RSRC2: variants seen among roughly 807,000 people sequenced by gnomAD.
RSRC2 encodes arginine/serine-rich coiled-coil protein 2.
A neutral mutation model predicts 61.3 loss-of-function variants in RSRC2; 5 were observed. The ratio of observed to expected loss-of-function variants is 0.08; its 90% confidence interval spans 0.04 to 0.17. The LOEUF is 0.17. Among genes scored for constraint, RSRC2 ranks in the 10% least tolerant of loss-of-function variants. RSRC2 has a pLI of 1.00. For synonymous variants in RSRC2, 202 were observed against 166.5 expected (o/e 1.21, Z -1.64); for missense variants, 381 against 518.8 (o/e 0.73, Z 2.58).
rs934995987 is a variant in RSRC2, at chr12:122,523,073, T to C, written c.7-774A>G. The C allele has an allele frequency of 8.5e-5, 13 of 152,298 alleles. No individual in the cohort carries two copies. In the East Asian group the frequency reaches 1.7e-3, roughly 20 times the overall value. 9.4% of individuals were successfully genotyped at this position (152,298 alleles called of 1,614,324 possible). ...TTGATACACCTGGGGAATTGATTACTTAGGAAGGGTTGGCAAGCTATGGTC... is the reference window on the plus strand; with the variant it reads ...TTGATACACCTGGGGAATTGATTACCTAGGAAGGGTTGGCAAGCTATGGTC... On this transcript the variant is annotated intron_variant, in intron 1 of 9. Transcript: ENST00000331738.
intron 8 of RSRC2, chr12:122,507,868 C>T (rs1466605578): frequency 9.5e-6 from 3 of 315,714 alleles, no homozygotes; most frequent in Non-Finnish European, 1.9e-5. Context: ...ATGATCTTGG[C>T]TCACTGTATG....
Position 122,521,407 on chromosome 12 carries a change from C to G in RSRC2, c.185G>C (p.Arg62Thr). 1 of 1,612,546 alleles carries G rather than the reference C, an allele frequency of 6.2e-7. No homozygotes were observed. The highest frequency in any genetic ancestry group is 8.5e-7 in the Non-Finnish European group (1 of 1,179,072). Residue 62 changes from arginine to threonine, a missense_variant, in exon 3 of 10, where the codon AGG (arginine) becomes ACG (threonine). Arg to Thr is a moderately conservative substitution (Grantham distance 71). Transcript: ENST00000331738. ...RKSDNEGRKH[R>T]SRSRSKEGRR... is the part of the protein sequence containing the mutation. ...TACCTCTTTGCTTCTGCTCCGGCTC[C>G]TGTGTTTTCTTCCTTCATTATCTGT...
At chr12:122,505,879 A>C (rs752707897) in intron 9 of RSRC2, among the ~76,000 whole-genome samples, 173 bp from the exon 10 acceptor site, 1 of 152,008 alleles carries the variant, frequency 6.6e-6, no homozygotes, top group Non-Finnish European at 1.5e-5. Context: ...CCTGGGTTTA[A>C]GTAATTCTTA....
chr12:122,509,836 TTTTG>T (rs890353144), intron 7 of RSRC2, among the ~76,000 whole-genome samples: 13 of 152,230 alleles, frequency 8.5e-5, no homozygotes, highest in East Asian at 5.8e-4. Flanking sequence ...TGTTTTTTGT[TTTTG>T]TTTTTTTCTT....
chr12:122,520,497 T>C (rs1290913111), intron 3 of RSRC2: 1 of 1,348,148 alleles, frequency 7.4e-7, no homozygotes, highest in Non-Finnish European at 1.0e-6. Context: ...GAATGACTAA[T>C]AGTTACCTTA....
rs1234784938 is a variant in RSRC2, at chr12:122,503,728, A to G, written c.*1799T>C. On this transcript the variant is annotated 3_prime_UTR_variant, in exon 10 of 10. Transcript: ENST00000331738. ...TGTCACTGAAACACGGTGAAAAGCC[A>G]TTTTGCCATAGAATTTCTGTGCTCT... is the stretch of plus-strand genomic sequence containing the variant. The G allele has an allele frequency of 6.6e-6, 1 of 152,206 alleles. No homozygotes were observed. Among genetic ancestry groups the G allele is most frequent in the Non-Finnish European group, 1.5e-5 (1 of 68,032 alleles). 9.4% of individuals were successfully genotyped at this position (152,206 alleles called of 1,614,324 possible). A position where few individuals can be genotyped will look rare whatever the true frequency, so the allele number is the denominator to read the frequency against.
intron 7 of RSRC2, among the ~76,000 whole-genome samples, chr12:122,509,428 C>T (rs1014171628): frequency 2.0e-5 from 3 of 149,182 alleles, no homozygotes; most frequent in African/African-American, 4.9e-5. Flanking sequence ...CCAGCACAGG[C>T]GACAGTATGA....
At chr12:122,518,075 C>A (rs974094079) in intron 4 of RSRC2, among the ~76,000 whole-genome samples, 3 of 152,104 alleles carry the variant, frequency 2.0e-5, no homozygotes, top group African/African-American at 7.2e-5. Flanking sequence ...GGCCGTCACA[C>A]TGCTTGAGCC....
At chr12:122,508,716 G>A (rs1481045212) in intron 7 of RSRC2, among the ~76,000 whole-genome samples, 1 of 152,052 alleles carries the variant, frequency 6.6e-6, no homozygotes, top group African/African-American at 2.4e-5. Context: ...CAGCACTTTG[G>A]GAGGCTGAGG....
chr12:122,508,013 A>G (rs1434917642), intron 8 of RSRC2: 1 of 614,998 alleles, frequency 1.6e-6, no homozygotes, highest in African/African-American at 1.8e-5. Context: ...CATGTTGGCC[A>G]GGCTGGTCTT....
chr12:122,509,660 G>C (rs1202293775), intron 7 of RSRC2, among the ~76,000 whole-genome samples: 1 of 152,064 alleles, frequency 6.6e-6, no homozygotes, highest in Non-Finnish European at 1.5e-5. Flanking sequence ...GGGAACCAGA[G>C]TTACCAAAGA....
intron 6 of RSRC2, among the ~76,000 whole-genome samples, chr12:122,514,348 T>C (rs1958753707): frequency 2.0e-5 from 3 of 149,480 alleles, no homozygotes; most frequent in Admixed American, 6.8e-5. Context: ...TACTGCAACC[T>C]CTGCCTCATG....
chr12:122,506,669 G>A lies in RSRC2; in HGVS notation c.1125+165C>T, dbSNP rs1958135466. ...AGGGAGGACAGTGGGTAGGGGAGATGGAAATGTTTCAGAATGGGATTGCTT... is the reference window on the plus strand; with the variant it reads ...AGGGAGGACAGTGGGTAGGGGAGATAGAAATGTTTCAGAATGGGATTGCTT... On this transcript the variant is annotated intron_variant, in intron 9 of 9. Coordinates refer to ENST00000331738, the MANE Select transcript of RSRC2 (RefSeq NM_023012.6). 1.7e-5 allele frequency: 10 copies of A among 603,242 alleles called. 1 individual carries two copies. The highest frequency in any genetic ancestry group is 6.2e-5 in the South Asian group (3 of 48,338). 37.4% of individuals were successfully genotyped at this position (603,242 alleles called of 1,614,324 possible).
intron 5 of RSRC2, among the ~76,000 whole-genome samples, chr12:122,515,760 C>T (rs1049467515): frequency 4.6e-5 from 7 of 152,120 alleles, no homozygotes; most frequent in Non-Finnish European, 7.3e-5. Context: ...GAAGCTCAGG[C>T]GGACAGATGA....
At chr12:122,517,515 A>G (rs1180773020) in intron 4 of RSRC2, 85 bp from the exon 5 acceptor site, 7 of 1,535,940 alleles carry the variant, frequency 4.6e-6, no homozygotes, top group Non-Finnish European at 6.2e-6. Context: ...ACTTGTAGTA[A>G]CGCAATAAAG....
intron 7 of RSRC2, among the ~76,000 whole-genome samples, chr12:122,509,912 C>T (rs1024710013): frequency 6.6e-6 from 1 of 152,068 alleles, no homozygotes; most frequent in African/African-American, 2.4e-5. Context: ...GATGTTGGCT[C>T]ACTGCAACCT....
chr12:122,518,259 C>T (rs1186581483), intron 4 of RSRC2, among the ~76,000 whole-genome samples: 1 of 151,296 alleles, frequency 6.6e-6, no homozygotes, highest in Non-Finnish European at 1.5e-5. Flanking sequence ...GAGAGCACAC[C>T]ACTGCACTCT....
intron 2 of RSRC2, 56 bp downstream of exon 2, chr12:122,522,087 G>A: frequency 1.3e-6 from 2 of 1,512,680 alleles, no homozygotes; most frequent in South Asian, 2.5e-5. Context: ...TTATACAACA[G>A]GTCTACATAT....
chr12:122,508,866 G>C (rs1234128519), intron 7 of RSRC2, among the ~76,000 whole-genome samples: 3 of 151,854 alleles, frequency 2.0e-5, no homozygotes, highest in Middle Eastern at 3.2e-3. Context: ...TGACGCAGGA[G>C]AATCACTTGA....
Sources: gnomAD v4.1 joint callset for allele counts (sites outside exome capture counted in the v4.1 genomes callset) on GRCh38, gnomAD v4.1.1 for gene constraint, MANE v1.5 for transcripts, NCBI Gene and HGNC (gene_info 2026-07-23, HGNC 2026-07-21) for gene names.